The following C3orf38 variants were observed in gnomAD, a reference collection of about 807,000 sequenced individuals.
C3orf38 encodes chromosome 3 open reading frame 38, also known as uncharacterized protein C3orf38.
In C3orf38, 18 loss-of-function variants were observed where a neutral mutation model predicts 28.3. The observed-to-expected ratio is 0.64, with a 90% confidence interval of 0.44 to 0.94. C3orf38 has a LOEUF of 0.94. C3orf38 is among the 40% of genes least tolerant of loss of function. The pLI, the probability that C3orf38 is intolerant of heterozygous loss-of-function variation, is 0.00. For synonymous variants in C3orf38, 145 were observed against 138.1 expected, an observed-to-expected ratio of 1.05 and a Z score of -0.35; for missense variants, 364 against 396.4, an observed-to-expected ratio of 0.92 and a Z score of 0.69.
Position 88,156,525 on chromosome 3 carries a change from G to T in C3orf38, c.880G>T (p.Glu294Ter). The T allele has an allele frequency of 3.1e-6, 5 of 1,614,094 alleles. No homozygotes were observed. The highest frequency in any genetic ancestry group is 4.2e-6 in the Non-Finnish European group (5 of 1,180,038). The stretch of plus-strand genomic sequence containing the variant: ...ATTACCGAAACCATCTGTTAAATTT[G>T]AACAAAGTGATCTAGAGGCCTTTTA... Reference protein sequence around the residue: ...GTLPKPSVKFEQSDLEAFYNV... With the variant: ...GTLPKPSVKF Residue 294 changes from glutamate (E) to a stop codon, truncating the protein, a stop_gained, in exon 3 of 3, where the codon GAA becomes TAA. Coordinates refer to ENST00000318887, the MANE Select transcript of C3orf38 (RefSeq NM_173824.4). LOFTEE classifies it high-confidence loss of function.
At position 88,153,294 on chromosome 3, in the gene C3orf38, C is replaced by G. The variant is rs767848477; in HGVS notation, c.198C>G (p.Val66=). The change falls in exon 2 of 3, where the codon GTC becomes GTG. Residue 66 remains valine, a synonymous_variant. Coordinates refer to ENST00000318887, the MANE Select transcript of C3orf38 (RefSeq NM_173824.4). ...SAEELLRRRK[V]HREVIFKYLA... ...AAGAACTTCTGAGGCGTAGAAAAGT[C>G]CACCGAGAAGTTATATTTAAGTACT... 1 of 1,613,806 alleles carries G rather than the reference C, an allele frequency of 6.2e-7. No individual in the cohort carries two copies. Among genetic ancestry groups the G allele is most frequent in the South Asian group, 1.1e-5 (1 of 91,064 alleles).
intron 2 of C3orf38, 81 bp downstream of exon 2, chr3:88,153,552 G>T: frequency 5.4e-6 from 8 of 1,470,606 alleles, no homozygotes; most frequent in Non-Finnish European, 7.4e-6. Context: ...TGGGGAACAT[G>T]GTTAATAATG....
chr3:88,155,944 A>G, intron 2 of C3orf38, 77 bp from the exon 3 acceptor site: 1 of 1,195,962 alleles, frequency 8.4e-7, no homozygotes, highest in Non-Finnish European at 1.1e-6. Flanking sequence ...ATTCAAACTT[A>G]ATAGGCTAGA....
intron 2 of C3orf38, among the ~76,000 whole-genome samples, chr3:88,154,509 C>G (rs1189685357): frequency 1.3e-5 from 2 of 152,048 alleles, no homozygotes; most frequent in East Asian, 3.8e-4. Context: ...CTTGAATTAA[C>G]CTCTATGTAA....
intron 1 of C3orf38, 68 bp from the exon 2 acceptor site, chr3:88,153,162 T>C: frequency 6.9e-7 from 1 of 1,451,048 alleles, no homozygotes; most frequent in Non-Finnish European, 9.4e-7. Context: ...TGATAGAGTT[T>C]CTGCCCACCT....
At position 88,149,990 on chromosome 3, in the gene C3orf38, C is replaced by A. The variant is rs1707380226; in HGVS notation, c.-63C>A. ...GGCACTTCCGGTGTCTGTTGCCAGG[C>A]GCGGGCCCAGTGGGCCGTAGGGGCG... On this transcript the variant is annotated 5_prime_UTR_variant, in exon 1 of 3. Coordinates refer to ENST00000318887, the MANE Select transcript of C3orf38 (RefSeq NM_173824.4). 3 of 1,604,004 alleles carry A rather than the reference C, an allele frequency of 1.9e-6. No individual in the cohort carries two copies. The highest frequency in any genetic ancestry group is 2.6e-6 in the Non-Finnish European group (3 of 1,172,274).
At chr3:88,153,541 GTGGGGAACA>G in intron 2 of C3orf38, 70 bp downstream of exon 2, 1 of 1,526,280 alleles carries the variant, frequency 6.6e-7, no homozygotes, top group South Asian at 1.2e-5. Context: ...ATCCTAGATT[GTGGGGAACA>G]TGGTTAATAA....
chr3:88,157,509 G>C lies in C3orf38; in HGVS notation c.*874G>C, dbSNP rs1301206114. On this transcript the variant is annotated 3_prime_UTR_variant, in exon 3 of 3. Transcript: ENST00000318887. ...CTTCCTCTTGGCTGATCTTGGCAGA[G>C]ATGACAAAAAAAACCCCAAAACAAC... is the stretch of plus-strand genomic sequence containing the variant. 6.6e-6 allele frequency: 1 copy of C among 152,122 alleles called. No homozygotes were observed. Among genetic ancestry groups the C allele is most frequent in the African/African-American group, 2.4e-5 (1 of 41,430 alleles). 9.4% of individuals were successfully genotyped at this position (152,122 alleles called of 1,614,324 possible).
chr3:88,153,151 T>C, intron 1 of C3orf38, 79 bp from the exon 2 acceptor site: 1 of 1,315,058 alleles, frequency 7.6e-7, no homozygotes, highest in Non-Finnish European at 1.1e-6. Flanking sequence ...ATAAACATAT[T>C]TGATAGAGTT....
chr3:88,150,241 A>G, intron 1 of C3orf38, 56 bp downstream of exon 1: 2 of 1,597,088 alleles, frequency 1.3e-6, no homozygotes, highest in South Asian at 1.1e-5. Flanking sequence ...CCTCACGCCT[A>G]CCCCGCTTAG....
chr3:88,156,603 G>A lies in C3orf38; in HGVS notation c.958G>A (p.Ala320Thr). The part of the protein sequence containing the change: ...TNEVRHNVKQ[A>T]SDSGTGDQV ...TGAAGTACGACATAATGTAAAGCAG[G>A]CTTCGGATAGTGGAACTGGGGACCA... The change falls in exon 3 of 3, where the codon GCT (alanine) becomes ACT (threonine). Residue 320 changes from alanine to threonine, a missense_variant. Coordinates refer to ENST00000318887, the MANE Select transcript of C3orf38 (RefSeq NM_173824.4). The A allele has an allele frequency of 1.2e-6, 2 of 1,611,658 alleles. No homozygotes were observed. Among genetic ancestry groups the A allele is most frequent in the Non-Finnish European group, 1.7e-6 (2 of 1,178,894 alleles).
chr3:88,150,026 C>G lies in C3orf38; in HGVS notation c.-27C>G. 6.4e-7 allele frequency: 1 copy of G among 1,553,106 alleles called. No individual in the cohort carries two copies. The highest frequency in any genetic ancestry group is 8.7e-7 in the Non-Finnish European group (1 of 1,149,888). On this transcript the variant is annotated 5_prime_UTR_variant, in exon 1 of 3. Transcript: ENST00000318887. ...TGGGCCGTAGGGGCGACATTGTTGCCGTTGTCTTTCCCCCCCAGTCCCGGG... is the reference window on the plus strand; with the variant it reads ...TGGGCCGTAGGGGCGACATTGTTGCGGTTGTCTTTCCCCCCCAGTCCCGGG...
rs1469250400 is a variant in C3orf38, at chr3:88,156,613, G to C, written c.968G>C (p.Ser323Thr). The C allele has an allele frequency of 6.2e-7, 1 of 1,610,834 alleles. No homozygotes were observed. Among genetic ancestry groups the C allele is most frequent in the South Asian group, 1.1e-5 (1 of 90,826 alleles). ...VRHNVKQASD[S>T]GTGDQV ...CATAATGTAAAGCAGGCTTCGGATA[G>C]TGGAACTGGGGACCAAGTTTGAGGT... Residue 323 changes from serine (S) to threonine (T), a missense_variant, in exon 3 of 3, where the codon AGT becomes ACT. By Grantham distance (58) the Ser-to-Thr change is moderately conservative. Transcript: ENST00000318887.
chr3:88,151,608 T>C (rs1393765925), intron 1 of C3orf38, among the ~76,000 whole-genome samples: 1 of 152,162 alleles, frequency 6.6e-6, no homozygotes, highest in Non-Finnish European at 1.5e-5. Flanking sequence ...CTTGCCCCTT[T>C]TTGAGCACTG....
At position 88,153,299 on chromosome 3, in the gene C3orf38, G is replaced by A. The variant is rs186647805; in HGVS notation, c.203G>A (p.Arg68Gln). 40 of 1,613,816 alleles carry A rather than the reference G, an allele frequency of 2.5e-5. No homozygotes were observed. The highest frequency in any genetic ancestry group is 3.2e-5 in the Non-Finnish European group (38 of 1,179,896). ...CTTCTGAGGCGTAGAAAAGTCCACC[G>A]AGAAGTTATATTTAAGTACTTGGCA... Reference protein sequence around the residue: ...EELLRRRKVHREVIFKYLATQ... With the variant: ...EELLRRRKVHQEVIFKYLATQ... Residue 68 changes from arginine (R) to glutamine (Q), a missense_variant, in exon 2 of 3, where the codon CGA becomes CAA. Transcript: ENST00000318887.
intron 2 of C3orf38, among the ~76,000 whole-genome samples, chr3:88,155,459 T>C (rs1195539670): frequency 2.0e-5 from 3 of 149,410 alleles, no homozygotes; most frequent in Non-Finnish European, 4.4e-5. Flanking sequence ...CTGTTCATAC[T>C]GATTTTTTTT....
chr3:88,153,507 G>T (rs1014834028), intron 2 of C3orf38, 36 bp downstream of exon 2: 1 of 1,605,314 alleles, frequency 6.2e-7, no homozygotes, highest in African/African-American at 1.3e-5. Flanking sequence ...CTGAACCTTT[G>T]TTCTGTCTGA....
chr3:88,156,488 T>G lies in C3orf38; in HGVS notation c.843T>G (p.Leu281=). 1 of 1,614,220 alleles carries G rather than the reference T, an allele frequency of 6.2e-7. No individual in the cohort carries two copies. Among genetic ancestry groups the G allele is most frequent in the South Asian group, 1.1e-5 (1 of 91,082 alleles). ...TGAAAATTATGGGAGAGAGTTCCCTTGCTCCTGGAACATTACCGAAACCAT... is the reference window on the plus strand; with the variant it reads ...TGAAAATTATGGGAGAGAGTTCCCTGGCTCCTGGAACATTACCGAAACCAT... ...INLKIMGESS[L]APGTLPKPSV... is the part of the protein sequence containing the mutation. The change falls in exon 3 of 3, where the codon CTT becomes CTG. Residue 281 remains leucine (L), a synonymous_variant. Coordinates refer to ENST00000318887, the MANE Select transcript of C3orf38 (RefSeq NM_173824.4).
intron 1 of C3orf38, 98 bp from the exon 2 acceptor site, chr3:88,153,132 C>T (rs555842787): frequency 4.2e-5 from 47 of 1,131,794 alleles, no homozygotes; most frequent in South Asian, 2.2e-4. Flanking sequence ...AATGCTGTGA[C>T]GAGAGTTTAT....
Sources: allele counts gnomAD v4.1 joint callset (sites outside exome capture counted in the v4.1 genomes callset), GRCh38; gene constraint gnomAD v4.1.1; transcripts MANE v1.5; gene names NCBI Gene and HGNC (gene_info 2026-07-23, HGNC 2026-07-21).